GABRG3: variants seen among roughly 807,000 people sequenced by gnomAD.
GABRG3 encodes gamma-aminobutyric acid receptor subunit gamma-3.
A neutral mutation model predicts 48.8 loss-of-function variants in GABRG3; 25 were observed. The observed-to-expected ratio is 0.51, with a 90% CI of 0.37 to 0.72. The LOEUF (loss-of-function observed/expected upper bound fraction) is 0.72. GABRG3 is among the 30% of genes least tolerant of loss of function. The pLI, the probability that GABRG3 is intolerant of heterozygous loss-of-function variation, is 0.00. For synonymous variants in GABRG3, 227 were observed against 217.6 expected, an observed-to-expected ratio of 1.04 and a Z score of -0.38; for missense variants, 394 against 577.9, an observed-to-expected ratio of 0.68 and a Z score of 3.26.
intron 3 of GABRG3, among the ~76,000 whole-genome samples, chr15:27,197,161 T>A (rs1461305067): frequency 2.0e-5 from 3 of 152,200 alleles, no homozygotes. Flanking sequence ...GGTTGATTGG[T>A]GTACTAAATG....
chr15:27,252,299 G>A (rs149958603), intron 3 of GABRG3, among the ~76,000 whole-genome samples: 5 of 152,244 alleles, frequency 3.3e-5, no homozygotes, highest in Admixed American at 2.6e-4. Flanking sequence ...ACTGGCCCCC[G>A]GTGTCTGGCT....
intron 7 of GABRG3, among the ~76,000 whole-genome samples, chr15:27,521,511 T>C (rs1167544365): frequency 6.6e-6 from 1 of 152,058 alleles, no homozygotes; most frequent in East Asian, 1.9e-4. Flanking sequence ...TAGAAAAATG[T>C]TACCCATGAT....
At chr15:27,226,188 C>A (rs1020256750) in intron 3 of GABRG3, among the ~76,000 whole-genome samples, 5 of 152,070 alleles carry the variant, frequency 3.3e-5, no homozygotes, top group Non-Finnish European at 7.4e-5. Context: ...GAGGACCTGG[C>A]ACTCCTGGGT....
intron 6 of GABRG3, among the ~76,000 whole-genome samples, chr15:27,503,456 A>G (rs1317689563): frequency 6.6e-6 from 1 of 152,018 alleles, no homozygotes. Context: ...TCTGCTCTCC[A>G]TTTCAGGAAT....
chr15:27,191,701 A>C (rs1595576318), intron 3 of GABRG3, among the ~76,000 whole-genome samples: 1 of 152,058 alleles, frequency 6.6e-6, no homozygotes, highest in Non-Finnish European at 1.5e-5. Context: ...TGTGTCTTTT[A>C]ATTGGAGCAT....
chr15:27,522,565 T>C (rs1364628845), intron 7 of GABRG3, among the ~76,000 whole-genome samples: 1 of 151,844 alleles, frequency 6.6e-6, no homozygotes, highest in Non-Finnish European at 1.5e-5. Flanking sequence ...GGGGGACATA[T>C]GGAACTATGT....
At chr15:27,514,809 CAAAT>C (rs1890980221) in intron 6 of GABRG3, among the ~76,000 whole-genome samples, 1 of 152,006 alleles carries the variant, frequency 6.6e-6, no homozygotes, top group Non-Finnish European at 1.5e-5. Context: ...TACGAACACA[CAAAT>C]AAAAGAGAGG....
chr15:27,388,093 G>C (rs562308663), intron 5 of GABRG3, among the ~76,000 whole-genome samples: 225 of 41,072 alleles, frequency 5.5e-3, no homozygotes, highest in African/African-American at 6.7e-3. Flanking sequence ...AAAGGAGGGA[G>C]GAAAGGGAGG....
chr15:27,459,172 C>G (rs912823215), intron 5 of GABRG3, among the ~76,000 whole-genome samples: 7 of 152,214 alleles, frequency 4.6e-5, no homozygotes, highest in Non-Finnish European at 1.0e-4. Flanking sequence ...CCTTAGAGGA[C>G]TATGTCTTTC....
At chr15:27,492,912 G>A (rs1156315634) in intron 6 of GABRG3, among the ~76,000 whole-genome samples, 3 of 150,178 alleles carry the variant, frequency 2.0e-5, no homozygotes, top group South Asian at 2.1e-4. Flanking sequence ...AAAAGAAAAT[G>A]CTCATAATAT....
intron 3 of GABRG3, among the ~76,000 whole-genome samples, chr15:27,238,129 G>A (rs563517632): frequency 2.0e-5 from 2 of 100,274 alleles, no homozygotes; most frequent in South Asian, 4.0e-4. Flanking sequence ...AGACAGCAGC[G>A]GTGGCAGATT....
intron 3 of GABRG3, among the ~76,000 whole-genome samples, chr15:27,155,740 G>T (rs1898407465): frequency 6.6e-6 from 1 of 152,132 alleles, no homozygotes; most frequent in Admixed American, 6.5e-5. Context: ...TGCAGATAGT[G>T]TGCTGGCTGG....
chr15:27,154,657 C>T (rs1016903724), intron 3 of GABRG3, among the ~76,000 whole-genome samples: 2 of 152,148 alleles, frequency 1.3e-5, no homozygotes, highest in Non-Finnish European at 2.9e-5. Context: ...AATATTGCAT[C>T]AGCCAGGAAT....
At chr15:27,107,135 C>T (rs563516524) in intron 3 of GABRG3, among the ~76,000 whole-genome samples, 1 of 152,072 alleles carries the variant, frequency 6.6e-6, no homozygotes, top group South Asian at 2.1e-4. Context: ...TTAAATATTC[C>T]TAGTCTTAGG....
intron 6 of GABRG3, among the ~76,000 whole-genome samples, chr15:27,502,172 T>G (rs1489053203): frequency 6.6e-6 from 1 of 152,230 alleles, no homozygotes; most frequent in East Asian, 1.9e-4. Context: ...ATTACAACCA[T>G]GGATCATGTT....
chr15:27,397,889 CCG>C (rs1887359736), intron 5 of GABRG3, among the ~76,000 whole-genome samples: 1 of 151,230 alleles, frequency 6.6e-6, no homozygotes, highest in Non-Finnish European at 1.5e-5. Context: ...ACTGCAAGCT[CCG>C]CCTCCCAGGT....
intron 5 of GABRG3, among the ~76,000 whole-genome samples, chr15:27,465,051 C>G (rs1341052470): frequency 6.6e-6 from 1 of 152,152 alleles, no homozygotes; most frequent in African/African-American, 2.4e-5. Context: ...CCTCAGAGGA[C>G]TTAAGAAGGC....
intron 3 of GABRG3, among the ~76,000 whole-genome samples, chr15:27,309,571 T>A (rs1892927584): frequency 6.6e-6 from 1 of 152,094 alleles, no homozygotes; most frequent in African/African-American, 2.4e-5. Flanking sequence ...TAAAAGATGT[T>A]TAACATTCTT....
rs192313676 is a variant in GABRG3, at chr15:27,241,954, C to G, written c.271-84855C>G. 2.6e-5 allele frequency among the ~76,000 whole-genome samples: 4 copies of G among 152,332 alleles called. No homozygotes were observed. In the East Asian group the frequency reaches 7.7e-4, roughly 29 times the overall value. On this transcript the variant is annotated intron_variant, in intron 3 of 9. Transcript: ENST00000615808. ...ACAAATAGTAACAGAGACTGAATAT[C>G]AGTGGCTTAACCATACAAGTGGTTA...
Sources: allele counts gnomAD v4.1 joint callset (sites outside exome capture counted in the v4.1 genomes callset), GRCh38; gene constraint gnomAD v4.1.1; transcripts MANE v1.5; gene names NCBI Gene and HGNC (gene_info 2026-07-23, HGNC 2026-07-21).